The following FKBP10 variants were observed in gnomAD, a reference collection of about 807,000 sequenced individuals.
The protein encoded by FKBP10 is peptidyl-prolyl cis-trans isomerase FKBP10.
FKBP10 carries 34 observed loss-of-function variants against 53.7 expected under a neutral mutation model. The ratio of observed to expected loss-of-function variants is 0.63; its 90% CI spans 0.48 to 0.84. The LOEUF (loss-of-function observed/expected upper bound fraction) is 0.84, where lower values mean the gene tolerates loss of function less well. FKBP10 is among the 40% of genes least tolerant of loss of function. The pLI is 0.00. For missense variants in FKBP10, 748 were observed against 797.8 expected (o/e 0.94, Z 0.75); for synonymous variants, 324 against 335.7 (o/e 0.97, Z 0.38).
Position 41,822,597 on chromosome 17 carries a change from C to T in FKBP10, c.*189C>T, listed in dbSNP as rs2047907037. The stretch of plus-strand genomic sequence containing the variant: ...AGATGAAAATCCACAGCACAGACCT[C>T]TACCGTGTTTCTCTTCCATCCCTAA... On this transcript the variant is annotated 3_prime_UTR_variant, in exon 10 of 10. Coordinates refer to ENST00000321562, the MANE Select transcript of FKBP10 (RefSeq NM_021939.4). The T allele has an allele frequency of 2.4e-5, 16 of 666,394 alleles. No individual in the cohort carries two copies. In the South Asian group the frequency reaches 2.5e-4, roughly 11 times the overall value. The allele number at this position is 666,394 out of a possible 1,614,324, so 41.3% of individuals were successfully genotyped here.
intron 1 of FKBP10, among the ~76,000 whole-genome samples, chr17:41,813,565 C>T (rs2047776948): frequency 6.6e-6 from 1 of 152,050 alleles, no homozygotes; most frequent in African/African-American, 2.4e-5. Flanking sequence ...TATGTAATGA[C>T]CTGATGGAGA....
At chr17:41,818,977 A>C in intron 4 of FKBP10, 3 of 525,648 alleles carry the variant, frequency 5.7e-6, no homozygotes, top group East Asian at 3.3e-5. Context: ...AAAAAAAAGA[A>C]GGGGTGCTTT....
At chr17:41,816,101 A>C (rs1031091592) in intron 1 of FKBP10, among the ~76,000 whole-genome samples, 1 of 151,678 alleles carries the variant, frequency 6.6e-6, no homozygotes, top group South Asian at 2.1e-4. Flanking sequence ...GCACCACTGC[A>C]CTCCAGCCTG....
rs577855172 is a variant in FKBP10 at position 41,821,012 on chromosome 17, C to T, written c.1322C>T (p.Thr441Met). Reference sequence around the variant, plus strand: ...AACAAGGTGATCGAAGGCCTGGACACGGGCCTGCAGGGCATGTGTGTGGGA... The same window carrying T: ...AACAAGGTGATCGAAGGCCTGGACATGGGCCTGCAGGGCATGTGTGTGGGA... The part of the protein sequence containing the change: ...GANKVIEGLD[T>M]GLQGMCVGER... Residue 441 changes from threonine to methionine, a missense_variant, in exon 8 of 10, where the codon ACG becomes ATG. By Grantham distance (81) the Thr-to-Met change is moderately conservative (BLOSUM62 -1). Transcript: ENST00000321562. The T allele has an allele frequency of 8.7e-6, 14 of 1,606,566 alleles. No individual in the cohort carries two copies. The highest frequency in any genetic ancestry group is 5.3e-5 in the African/African-American group (4 of 74,868).
chr17:41,821,086 G>GGAGGT lies in FKBP10; in HGVS notation c.1399+2_1399+6dup. ...CCCGCACCTGGCCCACGGGGAGAGTGGAGGTGAGGGGCTGAGACCATAATC... is the reference window on the plus strand; with the variant it reads ...CCCGCACCTGGCCCACGGGGAGAGTGGAGGTGAGGTGAGGGGCTGAGACCATAATC... On this transcript the variant is annotated frameshift_variant, in exon 8 of 10. Transcript: ENST00000321562. LOFTEE classifies it high-confidence loss of function. 6.7e-7 allele frequency: 1 copy of GGAGGT among 1,482,254 alleles called. No individual in the cohort carries two copies. Among genetic ancestry groups the GGAGGT allele is most frequent in the Non-Finnish European group, 9.3e-7 (1 of 1,080,882 alleles). The allele number at this position is 1,482,254 out of a possible 1,614,324, so 91.8% of individuals were successfully genotyped here.
chr17:41,820,297 A>G lies in FKBP10; in HGVS notation c.1092A>G (p.Leu364=). The G allele has an allele frequency of 6.2e-7, 1 of 1,614,142 alleles. No individual in the cohort carries two copies. Among genetic ancestry groups the G allele is most frequent in the Non-Finnish European group, 8.5e-7 (1 of 1,180,020 alleles). Residue 364 remains leucine (L), a synonymous_variant, in exon 7 of 10, where the codon CTA becomes CTG. Coordinates refer to ENST00000321562, the MANE Select transcript of FKBP10 (RefSeq NM_021939.4). The part of the protein sequence containing the change: ...TGDKIPGSAV[L]IFNVHVIDFH... ...ACAAGATCCCTGGCTCTGCCGTGCT[A>G]ATCTTCAACGTCCATGTCATTGACT...
chr17:41,821,103 A>G lies in FKBP10; in HGVS notation c.1399+14A>G, dbSNP rs1555616991. 1 of 916,304 alleles carries G rather than the reference A, an allele frequency of 1.1e-6. No homozygotes were observed. Among genetic ancestry groups the G allele is most frequent in the South Asian group, 1.5e-5 (1 of 67,202 alleles). 56.8% of individuals were successfully genotyped at this position (916,304 alleles called of 1,614,324 possible). ...GGGAGAGTGGAGGTGAGGGGCTGAG[A>G]CCATAATCTTTTTTTTTTTTTTTTT... On this transcript the variant is annotated intron_variant, in intron 8 of 9. Transcript: ENST00000321562.
chr17:41,820,088 C>G lies in FKBP10; in HGVS notation c.1064-181C>G, dbSNP rs920960300. On this transcript the variant is annotated intron_variant, in intron 6 of 9. Coordinates refer to ENST00000321562, the MANE Select transcript of FKBP10 (RefSeq NM_021939.4). ...GGCTTTCTTACTGGAAAGCTGCCTT[C>G]CCCTGCCCCCTGCCCCAGTGAAAGT... The G allele has an allele frequency of 3.4e-6, 4 of 1,188,080 alleles. No homozygotes were observed. The African/African-American group carries it at 6.2e-5, about 18-fold the overall frequency. The allele number at this position is 1,188,080 out of a possible 1,614,324, so 73.6% of individuals were successfully genotyped here.
At chr17:41,819,762 G>A in intron 6 of FKBP10, 87 bp downstream of exon 6, 1 of 1,547,716 alleles carries the variant, frequency 6.5e-7, no homozygotes, top group East Asian at 2.4e-5. Context: ...TGGGATTCCA[G>A]GCACCGCTCG....
At chr17:41,815,757 A>G (rs543066488) in intron 1 of FKBP10, among the ~76,000 whole-genome samples, 38 of 138,724 alleles carry the variant, frequency 2.7e-4, no homozygotes, top group African/African-American at 9.5e-4. Context: ...GCTCGGCCAG[A>G]AAACTTTCTT....
chr17:41,821,829 T>C lies in FKBP10; in HGVS notation c.1563+12T>C, dbSNP rs782082258. ...TCCCTCCGGAGGAGGTGGGTGAAGG[T>C]TCAGTCCTAATAGCCATGCCCACGC... On this transcript the variant is annotated intron_variant, in intron 9 of 9. Transcript: ENST00000321562. 1 of 1,613,906 alleles carries C rather than the reference T, an allele frequency of 6.2e-7. No homozygotes were observed. Among genetic ancestry groups the C allele is most frequent in the South Asian group, 1.1e-5 (1 of 91,066 alleles).
intron 4 of FKBP10, 142 bp from the exon 5 acceptor site, chr17:41,819,068 G>A (rs879974006): frequency 1.2e-6 from 1 of 832,974 alleles, no homozygotes; most frequent in Non-Finnish European, 2.0e-6. Context: ...GGAGGAGCAA[G>A]AAGCAGGGCT....
In FKBP10 at chr17:41,822,332, A is replaced by G; in HGVS notation, c.1673A>G (p.Gln558Arg). Residue 558 changes from glutamine to arginine, a missense_variant, in exon 10 of 10, where the codon CAG (glutamine) becomes CGG (arginine). Transcript: ENST00000321562. ...ATGTTCCAGAACCAGGACCGCAACC[A>G]GGACGGCAAGATCACAGTCGACGAG... ...GDMFQNQDRN[Q>R]DGKITVDELK... The G allele has an allele frequency of 6.2e-7, 1 of 1,613,776 alleles. No homozygotes were observed. The highest frequency in any genetic ancestry group is 8.5e-7 in the Non-Finnish European group (1 of 1,179,878).
rs143446005 is a variant in FKBP10 at position 41,818,415 on chromosome 17, C to T, written c.615C>T (p.Val205=). ...AGGGCGGCACTTATGACACCTACGT[C>T]GGCTCTGGTTGGCTGATCAAGGGCA... ...YSKGGTYDTY[V]GSGWLIKGMD... Residue 205 remains valine, a synonymous_variant, in exon 4 of 10, where the codon GTC becomes GTT. Coordinates refer to ENST00000321562, the MANE Select transcript of FKBP10 (RefSeq NM_021939.4). The T allele has an allele frequency of 1.9e-5, 30 of 1,614,066 alleles. No homozygotes were observed. The highest frequency in any genetic ancestry group is 1.5e-4 in the African/African-American group (11 of 74,922).
chr17:41,820,198 C>G, intron 6 of FKBP10, 71 bp from the exon 7 acceptor site: 1 of 1,537,990 alleles, frequency 6.5e-7, no homozygotes, highest in Middle Eastern at 1.7e-4. Context: ...GTCTGGGGAC[C>G]TCCATGGAGA....
At chr17:41,819,424 G>A in intron 5 of FKBP10, 25 bp downstream of exon 5, 1 of 1,612,684 alleles carries the variant, frequency 6.2e-7, no homozygotes, top group East Asian at 2.2e-5. Flanking sequence ...GAGGTGGGAG[G>A]GCGGGGGCTG....
chr17:41,821,521 T>G (rs2144068474), intron 8 of FKBP10, 133 bp from the exon 9 acceptor site: 1 of 1,148,078 alleles, frequency 8.7e-7, no homozygotes, highest in Non-Finnish European at 1.2e-6. Flanking sequence ...GGATGGCTCC[T>G]TAAACATCCC....
chr17:41,819,876 C>G (rs1555616732), intron 6 of FKBP10: 13 of 1,541,798 alleles, frequency 8.4e-6, no homozygotes, highest in Non-Finnish European at 8.8e-6. Flanking sequence ...CGCCCCACTT[C>G]GCCCCTTCCG....
chr17:41,813,329 G>C (rs1415722993), intron 1 of FKBP10, 50 bp downstream of exon 1: 1 of 1,611,600 alleles, frequency 6.2e-7, no homozygotes, highest in Non-Finnish European at 8.5e-7. Flanking sequence ...CCCTGAACCC[G>C]GGGTCCTGTT....
Sources: gnomAD v4.1 joint callset for allele counts (sites outside exome capture counted in the v4.1 genomes callset) on GRCh38, gnomAD v4.1.1 for gene constraint, MANE v1.5 for transcripts, NCBI Gene and HGNC (gene_info 2026-07-23, HGNC 2026-07-21) for gene names.